The following COG2 variants were observed in gnomAD, a reference collection of about 807,000 sequenced individuals.
COG2 encodes the protein component of oligomeric golgi complex 2, also known as conserved oligomeric Golgi complex subunit 2.
Under a neutral mutation model 90.6 loss-of-function variants are expected in COG2, and 52 were observed. The observed-to-expected ratio is 0.57, with a 90% CI of 0.46 to 0.72. The LOEUF (loss-of-function observed/expected upper bound fraction) is 0.72, where lower values mean the gene tolerates loss of function less well. Among genes scored for constraint, COG2 ranks in the 30% least tolerant of loss-of-function variants. The pLI, the probability that COG2 is intolerant of heterozygous loss-of-function variation, is 0.00. For synonymous variants in COG2, 337 were observed against 320.4 expected, an observed-to-expected ratio of 1.05 and a Z score of -0.55; for missense variants, 829 against 891.2, an observed-to-expected ratio of 0.93 and a Z score of 0.89.
In COG2 at chr1:230,642,567, C is replaced by G; in HGVS notation, c.-40C>G. The stretch of plus-strand genomic sequence containing the variant: ...CGGTCTGCGCAGCCTCCTGCGTTTT[C>G]TCGCTTGGATCTTGGCACTGAGAGG... On this transcript the variant is annotated 5_prime_UTR_variant, in exon 1 of 18. Transcript: ENST00000366669. 4 of 1,595,178 alleles carry G rather than the reference C, an allele frequency of 2.5e-6. No individual in the cohort carries two copies. Among genetic ancestry groups the G allele is most frequent in the Non-Finnish European group, 3.4e-6 (4 of 1,170,062 alleles).
intron 10 of COG2, 96 bp downstream of exon 10, chr1:230,679,148 C>T (rs1662671650): frequency 5.8e-6 from 7 of 1,197,302 alleles, no homozygotes; most frequent in African/African-American, 1.5e-5. Context: ...CTCCTTTTCT[C>T]TGATCATCAT....
rs1287258802 is a variant in COG2, at chr1:230,642,555, C to A, written c.-52C>A. On this transcript the variant is annotated 5_prime_UTR_variant, in exon 1 of 18. Transcript: ENST00000366669. ...CGGCCGCCGAGTCGGTCTGCGCAGC[C>A]TCCTGCGTTTTCTCGCTTGGATCTT... The A allele has an allele frequency of 3.2e-6, 5 of 1,570,928 alleles. No individual in the cohort carries two copies. In the African/African-American group the frequency reaches 5.4e-5, roughly 17 times the overall value.
intron 10 of COG2, chr1:230,682,594 G>C (rs957182392): frequency 6.6e-6 from 1 of 152,224 alleles, no homozygotes; most frequent in Non-Finnish European, 1.5e-5. Flanking sequence ...TGTTGGGTAG[G>C]GCTGCTGCTT....
chr1:230,681,410 C>T (rs1662745044), intron 10 of COG2: 1 of 152,122 alleles, frequency 6.6e-6, no homozygotes, highest in East Asian at 1.9e-4. Flanking sequence ...GTGCAAGTAG[C>T]CCTTTCCTGT....
At chr1:230,675,176 A>G (rs1662559150) in intron 9 of COG2, 52 bp downstream of exon 9, 5 of 1,572,482 alleles carry the variant, frequency 3.2e-6, no homozygotes, top group Non-Finnish European at 4.3e-6. Flanking sequence ...CGGAGACTGG[A>G]GAAATATCAT....
At chr1:230,691,188 C>T (rs908339817) in intron 16 of COG2, among the ~76,000 whole-genome samples, 196 bp from the exon 17 acceptor site, 14 of 151,526 alleles carry the variant, frequency 9.2e-5, no homozygotes, top group Admixed American at 1.3e-4. Context: ...TATATATATA[C>T]GTATATACAT....
At chr1:230,654,020 C>CTT (rs1297316046) in intron 1 of COG2, among the ~76,000 whole-genome samples, 1 of 152,138 alleles carries the variant, frequency 6.6e-6, no homozygotes, top group Non-Finnish European at 1.5e-5. Flanking sequence ...GATATTAGCC[C>CTT]TTTGTCAGGT....
intron 1 of COG2, among the ~76,000 whole-genome samples, chr1:230,656,317 C>T (rs1662050081): frequency 6.6e-6 from 1 of 152,170 alleles, no homozygotes; most frequent in African/African-American, 2.4e-5. Flanking sequence ...TCTTCGTTCT[C>T]ATTGGTTTCA....
chr1:230,691,306 G>T, intron 16 of COG2, 78 bp from the exon 17 acceptor site: 2 of 1,255,506 alleles, frequency 1.6e-6, no homozygotes, highest in South Asian at 1.8e-5. Context: ...CTCTTTTTTT[G>T]GTCCACAAAG....
chr1:230,642,651 C>G lies in COG2; in HGVS notation c.45C>G (p.Leu15=). 4 of 1,613,086 alleles carry G rather than the reference C, an allele frequency of 2.5e-6. No homozygotes were observed. The highest frequency in any genetic ancestry group is 2.2e-5 in the South Asian group (2 of 90,750). The change falls in exon 1 of 18, where the codon CTC becomes CTG. Residue 15 remains leucine, a synonymous_variant. Transcript: ENST00000366669. The part of the protein sequence containing the change: ...RMNLPKGPDT[L]CFDKDEFMKE... ...ACCTGCCCAAGGGGCCGGACACGCT[C>G]TGCTTCGACAAGGACGAGTTCATGA...
rs1662798834 is a variant in COG2, at chr1:230,683,294, C to T, written c.1167-280C>T. 4 of 333,176 alleles carry T rather than the reference C, an allele frequency of 1.2e-5. No homozygotes were observed. The East Asian group carries it at 2.5e-4, about 21-fold the overall frequency. 20.6% of individuals were successfully genotyped at this position (333,176 alleles called of 1,614,324 possible). A position where few individuals can be genotyped will look rare whatever the true frequency, so the allele number is the denominator to read the frequency against. On this transcript the variant is annotated intron_variant, in intron 10 of 17. Coordinates refer to ENST00000366669, the MANE Select transcript of COG2 (RefSeq NM_007357.3). ...ACCAGCAACAACTTCTTGATGGAGA[C>T]TTAACTGGCAGTTTGTTTAATTTGA...
At chr1:230,671,136 A>G (rs1278536093) in intron 7 of COG2, 1 of 153,530 alleles carries the variant, frequency 6.5e-6, no homozygotes. Flanking sequence ...CTCTGCCTCA[A>G]ACCCTTCCCT....
At chr1:230,689,546 T>C (rs1662970084) in intron 15 of COG2, among the ~76,000 whole-genome samples, 1 of 152,264 alleles carries the variant, frequency 6.6e-6, no homozygotes. Flanking sequence ...CCTGACCCTG[T>C]ATCCTTGCTT....
At position 230,691,383 on chromosome 1, in the gene COG2, G is replaced by C; in HGVS notation, c.1935-1G>C. On this transcript the variant is annotated splice_acceptor_variant, in intron 16 of 17. Transcript: ENST00000366669. LOFTEE classifies it high-confidence loss of function. Reference sequence around the variant, plus strand: ...ACCAATAAACGTGTCTTCTATTCAAGGTACTATGAAACCGTGTCAGATGTA... The same window carrying C: ...ACCAATAAACGTGTCTTCTATTCAACGTACTATGAAACCGTGTCAGATGTA... 6.2e-7 allele frequency: 1 copy of C among 1,608,974 alleles called. No individual in the cohort carries two copies. The highest frequency in any genetic ancestry group is 8.5e-7 in the Non-Finnish European group (1 of 1,177,780).
chr1:230,650,692 TG>T (rs1440362036), intron 1 of COG2, among the ~76,000 whole-genome samples: 1 of 152,178 alleles, frequency 6.6e-6, no homozygotes, highest in African/African-American at 2.4e-5. Flanking sequence ...CAGAGCTTTT[TG>T]GTTTAACGAA....
In COG2 at chr1:230,668,764, C is replaced by G; in HGVS notation, c.574C>G (p.Leu192Val). 1 of 1,608,332 alleles carries G rather than the reference C, an allele frequency of 6.2e-7. No individual in the cohort carries two copies. The highest frequency in any genetic ancestry group is 8.5e-7 in the Non-Finnish European group (1 of 1,176,142). Residue 192 changes from leucine (L) to valine (V), a missense_variant, in exon 6 of 18, where the codon CTT (leucine) becomes GTT (valine). By Grantham distance (32) the Leu-to-Val change is conservative. Transcript: ENST00000366669. ...TGCTGTTCAAAGCAAAGGCATGCCT[C>G]TTTTGGACAAAGTAAGACCGGTAAG... ...FHAVQSKGMP[L>V]LDKVRPRIAG...
At chr1:230,672,932 A>G (rs995245036) in intron 8 of COG2, among the ~76,000 whole-genome samples, 2 of 152,152 alleles carry the variant, frequency 1.3e-5, no homozygotes, top group African/African-American at 4.8e-5. Context: ...CAAGCAATGT[A>G]TTTGGCCTTG....
intron 11 of COG2, chr1:230,684,342 C>T (rs1488518806): frequency 6.6e-6 from 1 of 152,334 alleles, no homozygotes; most frequent in Non-Finnish European, 1.5e-5. Flanking sequence ...TCAGGTGCTC[C>T]TGCGTCTCAC....
chr1:230,693,350 T>G lies in COG2; in HGVS notation c.2174T>G (p.Leu725Arg). 1 of 1,613,766 alleles carries G rather than the reference T, an allele frequency of 6.2e-7. No homozygotes were observed. Among genetic ancestry groups the G allele is most frequent in the Non-Finnish European group, 8.5e-7 (1 of 1,179,802 alleles). Reference protein sequence around the residue: ...DIKSFSALAELVAAAKDQATA... With the variant: ...DIKSFSALAERVAAAKDQATA... ...AAAAGCTTCTCAGCTCTCGCAGAGC[T>G]TGTTGCTGCTGCCAAGGACCAGGCA... Residue 725 changes from leucine to arginine, a missense_variant, in exon 18 of 18, where the codon CTT becomes CGT. Leu to Arg is a moderately radical substitution (Grantham distance 102, BLOSUM62 -2). Transcript: ENST00000366669.
Sources: gnomAD v4.1 joint callset for allele counts (sites outside exome capture counted in the v4.1 genomes callset) on GRCh38, gnomAD v4.1.1 for gene constraint, MANE v1.5 for transcripts, NCBI Gene and HGNC (gene_info 2026-07-23, HGNC 2026-07-21) for gene names.